The following SLC24A2 variants were observed in gnomAD, a reference collection of about 807,000 sequenced individuals.
The protein encoded by SLC24A2 is solute carrier family 24 member 2, also known as sodium/potassium/calcium exchanger 2.
A neutral mutation model predicts 62.0 loss-of-function variants in SLC24A2; 36 were observed. The observed-to-expected ratio is 0.58, with a 90% confidence interval of 0.44 to 0.77. The LOEUF is 0.77. Ranked by LOEUF, SLC24A2 falls within the 30% of genes least tolerant of loss-of-function variation. The pLI, the probability that SLC24A2 is intolerant of heterozygous loss-of-function variation, is 0.00. For synonymous variants in SLC24A2, 358 were observed against 294.0 expected (o/e 1.22, Z -2.23); for missense variants, 846 against 817.9 (o/e 1.03, Z -0.42).
the SLC24A2 span, among the ~76,000 whole-genome samples, chr9:19,949,311 C>A: frequency 6.6e-6 from 1 of 152,124 alleles, no homozygotes; most frequent in Non-Finnish European, 1.5e-5. Context: ...TCCATTTAAT[C>A]CAATCTTTGG....
the SLC24A2 span, among the ~76,000 whole-genome samples, chr9:20,102,554 G>A: frequency 6.6e-6 from 1 of 151,918 alleles, no homozygotes; most frequent in Non-Finnish European, 1.5e-5. Context: ...ATGACGGGTT[G>A]ATGGGTGCAG....
At chr9:20,125,698 C>T in the SLC24A2 span, among the ~76,000 whole-genome samples, 1 of 152,084 alleles carries the variant, frequency 6.6e-6, no homozygotes, top group Non-Finnish European at 1.5e-5. Flanking sequence ...ATTTGGGGCT[C>T]CAGAGCACTC....
In SLC24A2 at chr9:19,742,884, G is replaced by C. The variant is rs564863372; in HGVS notation, c.930+43053C>G. Among the ~76,000 whole-genome samples the C allele has an allele frequency of 4.3e-3, 654 of 152,230 alleles. 1 individual carries two copies. The highest frequency in any genetic ancestry group is 7.6e-3 in the Non-Finnish European group (514 of 68,010). Reference sequence around the variant, plus strand: ...ATGTTGAGAAACTGTCACTACCTTTGGAATGGCTGAATGCTTCATGGAACC... The same window carrying C: ...ATGTTGAGAAACTGTCACTACCTTTCGAATGGCTGAATGCTTCATGGAACC... On this transcript the variant is annotated intron_variant, in intron 2 of 10. Transcript: ENST00000341998.
At chr9:19,703,549 G>A (rs1820419052) in intron 2 of SLC24A2, among the ~76,000 whole-genome samples, 1 of 152,182 alleles carries the variant, frequency 6.6e-6, no homozygotes, top group African/African-American at 2.4e-5. Flanking sequence ...AAAGAACAAT[G>A]GTGAAAATAT....
the SLC24A2 span, among the ~76,000 whole-genome samples, chr9:20,118,409 C>T: frequency 1.8e-4 from 28 of 151,908 alleles, no homozygotes; most frequent in Admixed American, 5.3e-4. Context: ...TTATGAAAGA[C>T]GAATAAAAAA....
At chr9:19,969,132 G>T in the SLC24A2 span, among the ~76,000 whole-genome samples, 2 of 149,942 alleles carry the variant, frequency 1.3e-5, no homozygotes, top group African/African-American at 2.5e-5. Context: ...AATTCCTGAG[G>T]CCAGGGAGGA....
the SLC24A2 span, among the ~76,000 whole-genome samples, chr9:19,803,275 G>C: frequency 6.6e-6 from 1 of 152,138 alleles, no homozygotes; most frequent in African/African-American, 2.4e-5. Flanking sequence ...TATTGACAAA[G>C]CTTCATCTGC....
the SLC24A2 span, among the ~76,000 whole-genome samples, chr9:20,029,677 AC>A: frequency 6.6e-6 from 1 of 152,182 alleles, no homozygotes; most frequent in Non-Finnish European, 1.5e-5. Flanking sequence ...CCTCACAACA[AC>A]CCAAGAAATG....
chr9:20,007,850 G>T, the SLC24A2 span, among the ~76,000 whole-genome samples: 42 of 133,836 alleles, frequency 3.1e-4, no homozygotes, highest in African/African-American at 1.1e-3. Context: ...GGGCAAGTGG[G>T]CTTCTCTTTT....
At chr9:19,835,753 C>T in the SLC24A2 span, among the ~76,000 whole-genome samples, 2 of 152,272 alleles carry the variant, frequency 1.3e-5, no homozygotes, top group African/African-American at 4.8e-5. Flanking sequence ...AACTCTCTAC[C>T]CCAAATCAAC....
chr9:20,106,014 A>G, the SLC24A2 span, among the ~76,000 whole-genome samples: 7 of 152,330 alleles, frequency 4.6e-5, no homozygotes, highest in African/African-American at 1.7e-4. Context: ...GATAAAGGGA[A>G]TATCACCACT....
At chr9:19,719,779 T>C (rs967651996) in intron 2 of SLC24A2, among the ~76,000 whole-genome samples, 2 of 152,246 alleles carry the variant, frequency 1.3e-5, no homozygotes, top group Non-Finnish European at 2.9e-5. Context: ...TTTTATCTCA[T>C]GTTTTTATTT....
At chr9:19,910,355 C>T in the SLC24A2 span, among the ~76,000 whole-genome samples, 1 of 152,162 alleles carries the variant, frequency 6.6e-6, no homozygotes, top group Admixed American at 6.5e-5. Flanking sequence ...TGTTTCTATA[C>T]TGGCCTTAAT....
chr9:19,708,331 C>A (rs1355958094), intron 2 of SLC24A2, among the ~76,000 whole-genome samples: 1 of 151,986 alleles, frequency 6.6e-6, no homozygotes, highest in Non-Finnish European at 1.5e-5. Flanking sequence ...CCATACTGCC[C>A]AAGGTAATTT....
At chr9:19,664,823 T>G (rs1393905094) in intron 2 of SLC24A2, among the ~76,000 whole-genome samples, 2 of 152,076 alleles carry the variant, frequency 1.3e-5, no homozygotes, top group East Asian at 3.9e-4. Context: ...TGCCAGCAAC[T>G]CCCAGAAGCT....
the SLC24A2 span, among the ~76,000 whole-genome samples, chr9:20,014,926 T>A: frequency 1.3e-5 from 2 of 152,198 alleles, no homozygotes; most frequent in Non-Finnish European, 1.5e-5. Context: ...GTGATAGAAA[T>A]GTTAATTAGT....
chr9:20,298,669 C>CTT, the SLC24A2 span, among the ~76,000 whole-genome samples: 1 of 152,278 alleles, frequency 6.6e-6, no homozygotes, highest in African/African-American at 2.4e-5. Context: ...GTAATAGCAG[C>CTT]AGCCTGTGGG....
chr9:19,740,115 G>A (rs1381253268), intron 2 of SLC24A2, among the ~76,000 whole-genome samples: 2 of 151,416 alleles, frequency 1.3e-5, no homozygotes, highest in African/African-American at 2.4e-5. Context: ...AGGATATAGA[G>A]CAATTAGAAC....
At chr9:19,908,016 C>T in the SLC24A2 span, among the ~76,000 whole-genome samples, 5 of 152,216 alleles carry the variant, frequency 3.3e-5, no homozygotes, top group Non-Finnish European at 5.9e-5. Flanking sequence ...AAAAAGTGCC[C>T]GCATCACAAA....
Sources: allele counts gnomAD v4.1 joint callset (sites outside exome capture counted in the v4.1 genomes callset), GRCh38; gene constraint gnomAD v4.1.1; transcripts MANE v1.5; gene names NCBI Gene and HGNC (gene_info 2026-07-23, HGNC 2026-07-21).